Variants in TUT4 observed in about 807,000 individuals in gnomAD.
The protein encoded by TUT4 is terminal uridylyltransferase 4.
In TUT4, 36 loss-of-function variants were observed where a neutral mutation model predicts 192.2. The observed-to-expected ratio is 0.19, with a 90% CI of 0.14 to 0.25. TUT4 has a LOEUF of 0.25. Among genes scored for constraint, TUT4 ranks in the 10% least tolerant of loss-of-function variants. TUT4 has a pLI of 1.00. For synonymous variants in TUT4, 618 were observed against 666.0 expected (o/e 0.93, Z 1.11); for missense variants, 1,493 against 1,957.2 (o/e 0.76, Z 4.47).
intron 4 of TUT4, among the ~76,000 whole-genome samples, chr1:52,506,755 A>G (rs1477272403): frequency 6.6e-6 from 1 of 152,156 alleles, no homozygotes; most frequent in African/African-American, 2.4e-5. Flanking sequence ...TAATCCTAAC[A>G]AAGGCGTCAG....
At chr1:52,428,988 A>C (rs1651014524) in intron 28 of TUT4, among the ~76,000 whole-genome samples, 1 of 152,154 alleles carries the variant, frequency 6.6e-6, no homozygotes, top group Non-Finnish European at 1.5e-5. Flanking sequence ...AAAGAATAGC[A>C]AATTATTGAT....
intron 24 of TUT4, among the ~76,000 whole-genome samples, chr1:52,443,459 C>T (rs1033050233): frequency 6.6e-6 from 1 of 151,424 alleles, no homozygotes; most frequent in Non-Finnish European, 1.5e-5. Context: ...TGTGGTGGCG[C>T]GTGCCTGTAA....
chr1:52,463,542 A>T (rs1663203875), intron 16 of TUT4: 6 of 1,178,802 alleles, frequency 5.1e-6, no homozygotes, highest in Non-Finnish European at 6.5e-6. Context: ...TTATAATGTA[A>T]CAGAGGCGAT....
intron 29 of TUT4, chr1:52,424,265 C>G (rs1292692728): frequency 6.7e-6 from 3 of 446,904 alleles, no homozygotes. Context: ...GCAGACTCTC[C>G]CCTCCTAAAA....
intron 26 of TUT4, 38 bp downstream of exon 26, chr1:52,436,717 G>A (rs200561885): frequency 1.7e-5 from 27 of 1,610,344 alleles, no homozygotes; most frequent in Middle Eastern, 4.4e-4. Flanking sequence ...AAATGACTTC[G>A]TTTCTACCAG....
intron 19 of TUT4, 92 bp from the exon 20 acceptor site, chr1:52,458,541 A>G: frequency 1.1e-6 from 1 of 945,818 alleles, no homozygotes; most frequent in South Asian, 1.7e-5. Context: ...TTTTTAACCC[A>G]CAGAACTGGG....
rs1241337071 is a variant in TUT4 at position 52,446,729 on chromosome 1, C to T, written c.3436-62G>A. On this transcript the variant is annotated intron_variant, in intron 20 of 29. Transcript: ENST00000257177. ...GTGATCCAACCCAAAGGTCCAAATA[C>T]TCTAATACCATTTTAGAATTTACCT... The T allele has an allele frequency of 1.1e-5, 13 of 1,203,512 alleles. No individual in the cohort carries two copies. The East Asian group carries it at 3.1e-4, about 29-fold the overall frequency. 74.6% of individuals were successfully genotyped at this position (1,203,512 alleles called of 1,614,324 possible).
chr1:52,444,742 T>C (rs1656854254), intron 24 of TUT4, among the ~76,000 whole-genome samples: 1 of 150,956 alleles, frequency 6.6e-6, no homozygotes, highest in Admixed American at 6.7e-5. Flanking sequence ...CCTACATCTT[T>C]CTCCTGTGCT....
rs536338979 is a variant in TUT4, at chr1:52,471,237, G to A, written c.2878+715C>T. On this transcript the variant is annotated intron_variant, in intron 14 of 29. Transcript: ENST00000257177. The stretch of plus-strand genomic sequence containing the variant: ...TCACCATGTTGGCCAGGCTGGTCTC[G>A]AACTCCTGACCTCATGATCGGCCCA... Among the ~76,000 whole-genome samples, 6 of 152,034 alleles carry A rather than the reference G, an allele frequency of 3.9e-5. No individual in the cohort carries two copies. In the South Asian group the frequency reaches 1.2e-3, roughly 32 times the overall value.
intron 1 of TUT4, among the ~76,000 whole-genome samples, chr1:52,550,170 C>T (rs1010745570): frequency 8.6e-5 from 13 of 151,990 alleles, no homozygotes; most frequent in Non-Finnish European, 1.5e-4. Context: ...AACATTTCCC[C>T]CAAATTATGT....
At chr1:52,501,090 A>C (rs1393549586) in intron 4 of TUT4, among the ~76,000 whole-genome samples, 1 of 152,264 alleles carries the variant, frequency 6.6e-6, no homozygotes, top group East Asian at 1.9e-4. Context: ...AGGCAACAAA[A>C]GTAAAAGCAG....
chr1:52,451,578 A>C (rs1250660308), intron 20 of TUT4, among the ~76,000 whole-genome samples: 1 of 152,204 alleles, frequency 6.6e-6, no homozygotes. Flanking sequence ...GCGGTGGCTC[A>C]CGCCTGTAAT....
chr1:52,506,007 C>T (rs981149517), intron 4 of TUT4, among the ~76,000 whole-genome samples: 3 of 150,362 alleles, frequency 2.0e-5, no homozygotes, highest in African/African-American at 7.3e-5. Flanking sequence ...TTAGTAGAGA[C>T]GGGGTTCACC....
intron 1 of TUT4, among the ~76,000 whole-genome samples, chr1:52,541,199 ACT>A (rs1234851184): frequency 1.4e-5 from 2 of 143,064 alleles, no homozygotes; most frequent in Non-Finnish European, 3.0e-5. Flanking sequence ...ACAGAGCGAG[ACT>A]CTGTCTTAAA....
intron 8 of TUT4, 41 bp from the exon 9 acceptor site, chr1:52,489,076 C>A (rs765230853): frequency 2.6e-6 from 4 of 1,557,048 alleles, no homozygotes; most frequent in African/African-American, 2.8e-5. Flanking sequence ...TATTAATACC[C>A]TTAAAAGCAG....
intron 20 of TUT4, among the ~76,000 whole-genome samples, chr1:52,455,950 C>G (rs753194184): frequency 3.7e-4 from 56 of 152,134 alleles, no homozygotes; most frequent in Admixed American, 6.5e-4. Context: ...CGTATTCACC[C>G]AAAAGACCTG....
intron 9 of TUT4, among the ~76,000 whole-genome samples, chr1:52,487,000 A>T (rs1189565931): frequency 6.6e-6 from 1 of 152,212 alleles, no homozygotes; most frequent in African/African-American, 2.4e-5. Flanking sequence ...AAAAGTACCA[A>T]CAAAGAAGCA....
intron 3 of TUT4, among the ~76,000 whole-genome samples, chr1:52,510,629 T>C (rs1175257858): frequency 1.3e-5 from 2 of 152,248 alleles, no homozygotes; most frequent in Non-Finnish European, 2.9e-5. Context: ...TCATACTTCG[T>C]GTATGTATTC....
In TUT4 at chr1:52,516,513, C is replaced by A. The variant is rs79608973; in HGVS notation, c.719-459G>T. Among the ~76,000 whole-genome samples the A allele has an allele frequency of 8.7e-3, 1,324 of 152,316 alleles. 22 individuals are homozygous for A. The highest frequency in any genetic ancestry group is 0.03 in the African/African-American group (1,256 of 41,566). ...ACACAAGGCTCCTTCTTCTTTCCTTCCACAGAACTCCTGGATATCTCCACT... is the reference window on the plus strand; with the variant it reads ...ACACAAGGCTCCTTCTTCTTTCCTTACACAGAACTCCTGGATATCTCCACT... On this transcript the variant is annotated intron_variant, in intron 2 of 29. Coordinates refer to ENST00000257177, the MANE Select transcript of TUT4 (RefSeq NM_001009881.3).
Sources: gnomAD v4.1 joint callset for allele counts (sites outside exome capture counted in the v4.1 genomes callset) on GRCh38, gnomAD v4.1.1 for gene constraint, MANE v1.5 for transcripts, NCBI Gene and HGNC (gene_info 2026-07-23, HGNC 2026-07-21) for gene names.